The following FSTL4 variants were observed in gnomAD, a reference collection of about 807,000 sequenced individuals.
FSTL4 encodes the protein follistatin-related protein 4.
A neutral mutation model predicts 78.2 loss-of-function variants in FSTL4; 28 were observed. The observed-to-expected ratio is 0.36, with a 90% CI of 0.27 to 0.49. The LOEUF (loss-of-function observed/expected upper bound fraction) is 0.49. FSTL4 is among the 20% of genes least tolerant of loss of function. The pLI, the probability that FSTL4 is intolerant of heterozygous loss-of-function variation, is 0.98. For synonymous variants in FSTL4, 422 were observed against 440.5 expected (o/e 0.96, Z 0.53); for missense variants, 922 against 1,084.9 (o/e 0.85, Z 2.11).
rs145878304 is a variant in FSTL4, at chr5:133,345,953, T to C, written c.410-29301A>G. Among the ~76,000 whole-genome samples the C allele has an allele frequency of 9.4e-3, 1,437 of 152,346 alleles. 24 individuals carry two copies. The highest frequency in any genetic ancestry group is 0.032 in the African/African-American group (1,340 of 41,582). ...AAGACACATGCACATGTATGTTTAT[T>C]GCGCCACTATTCACGATAACAAAGA... On this transcript the variant is annotated intron_variant, in intron 4 of 15. Coordinates refer to ENST00000265342, the MANE Select transcript of FSTL4 (RefSeq NM_015082.2).
At chr5:133,660,370 G>A in the FSTL4 span, among the ~76,000 whole-genome samples, 1 of 152,174 alleles carries the variant, frequency 6.6e-6, no homozygotes, top group Non-Finnish European at 1.5e-5. Context: ...GGGAATTAGG[G>A]AAATCCTCCT....
At chr5:133,473,838 A>G (rs1757874829) in intron 3 of FSTL4, among the ~76,000 whole-genome samples, 1 of 152,150 alleles carries the variant, frequency 6.6e-6, no homozygotes, top group African/African-American at 2.4e-5. Flanking sequence ...GTGCAGAGTG[A>G]AGAGGAGAAA....
the FSTL4 span, among the ~76,000 whole-genome samples, chr5:133,648,910 C>T: frequency 1.3e-5 from 2 of 152,168 alleles, no homozygotes; most frequent in Non-Finnish European, 2.9e-5. Context: ...AGGGTTCACT[C>T]TTGGTGTCGT....
intron 4 of FSTL4, among the ~76,000 whole-genome samples, chr5:133,342,402 G>A (rs1754602348): frequency 6.6e-6 from 1 of 152,160 alleles, no homozygotes; most frequent in Non-Finnish European, 1.5e-5. Context: ...GCAAGGAAGT[G>A]GAAAAATCCT....
At chr5:133,803,168 C>T in the FSTL4 span, among the ~76,000 whole-genome samples, 1 of 152,188 alleles carries the variant, frequency 6.6e-6, no homozygotes, top group Non-Finnish European at 1.5e-5. Flanking sequence ...CTGAATGTCT[C>T]ACTTTGTGAG....
rs1330504180 is a variant in FSTL4 at position 133,333,127 on chromosome 5, TCAGCCC to T, written c.410-16481_410-16476del. ...GTGACACTGCACATGTGGCGGCAGCTCAGCCCCAGCCCCATCCTGCACCCTGTTTGC... is the reference window on the plus strand; with the variant it reads ...GTGACACTGCACATGTGGCGGCAGCTCAGCCCCATCCTGCACCCTGTTTGC... On this transcript the variant is annotated intron_variant, in intron 4 of 15. Coordinates refer to ENST00000265342, the MANE Select transcript of FSTL4 (RefSeq NM_015082.2). 2.6e-5 allele frequency among the ~76,000 whole-genome samples: 4 copies of T among 152,164 alleles called. No individual in the cohort carries two copies. The East Asian group carries it at 7.7e-4, about 29-fold the overall frequency.
intron 4 of FSTL4, among the ~76,000 whole-genome samples, chr5:133,340,668 C>T (rs1404244463): frequency 6.6e-6 from 1 of 152,110 alleles, no homozygotes; most frequent in Non-Finnish European, 1.5e-5. Context: ...GAGCCTAAAA[C>T]CCATTTCTTT....
At chr5:133,675,587 C>A in the FSTL4 span, among the ~76,000 whole-genome samples, 8 of 152,240 alleles carry the variant, frequency 5.3e-5, no homozygotes, top group South Asian at 1.7e-3. Context: ...CAATGCCTAG[C>A]GTGGTGCAGT....
At chr5:133,297,020 C>A (rs1265277424) in intron 6 of FSTL4, among the ~76,000 whole-genome samples, 6 of 152,110 alleles carry the variant, frequency 3.9e-5, no homozygotes, top group Admixed American at 3.3e-4. Context: ...GGAGTACCTG[C>A]CTACCTTGAT....
intron 3 of FSTL4, among the ~76,000 whole-genome samples, chr5:133,497,341 G>C (rs73788105): frequency 6.6e-6 from 1 of 152,232 alleles, no homozygotes; most frequent in Non-Finnish European, 1.5e-5. Flanking sequence ...GAAGAAGATG[G>C]ATAATAAAGC....
At chr5:133,470,914 C>A (rs929196365) in intron 3 of FSTL4, among the ~76,000 whole-genome samples, 2 of 151,878 alleles carry the variant, frequency 1.3e-5, no homozygotes, top group Non-Finnish European at 2.9e-5. Flanking sequence ...AGAACAGACA[C>A]TTTAAGAGAA....
At chr5:133,637,507 T>C in the FSTL4 span, among the ~76,000 whole-genome samples, 238 of 152,252 alleles carry the variant, frequency 1.6e-3, no homozygotes, top group African/African-American at 5.6e-3. Flanking sequence ...AGCCCAGTAA[T>C]GAGTAGAACT....
intron 8 of FSTL4, among the ~76,000 whole-genome samples, chr5:133,228,997 C>T (rs995119027): frequency 9.2e-5 from 14 of 152,126 alleles, no homozygotes; most frequent in African/African-American, 1.7e-4. Context: ...TTAATTGGTA[C>T]GTAACGAGGC....
chr5:133,662,037 A>G, the FSTL4 span, among the ~76,000 whole-genome samples: 1 of 152,230 alleles, frequency 6.6e-6, no homozygotes, highest in Non-Finnish European at 1.5e-5. Flanking sequence ...GATTATATTT[A>G]AAAATAGAAT....
chr5:133,520,736 T>G (rs1758963190), intron 3 of FSTL4, among the ~76,000 whole-genome samples: 1 of 152,136 alleles, frequency 6.6e-6, no homozygotes, highest in Non-Finnish European at 1.5e-5. Context: ...GTGTGTGTAT[T>G]CTGCATACAT....
At chr5:133,232,973 C>T (rs947344023) in intron 8 of FSTL4, among the ~76,000 whole-genome samples, 1 of 152,204 alleles carries the variant, frequency 6.6e-6, no homozygotes, top group Middle Eastern at 3.2e-3. Context: ...CGGACACAAG[C>T]CCTTGTCGGA....
At chr5:133,321,773 C>T (rs932961582) in intron 4 of FSTL4, among the ~76,000 whole-genome samples, 6 of 152,284 alleles carry the variant, frequency 3.9e-5, no homozygotes, top group South Asian at 4.1e-4. Context: ...TTGATTAATC[C>T]GGAGGCATGA....
At chr5:133,624,390 A>G in the FSTL4 span, among the ~76,000 whole-genome samples, 147 of 152,120 alleles carry the variant, frequency 9.7e-4, 1 homozygote, top group African/African-American at 3.4e-3. Context: ...AATATTCAGA[A>G]TAGGTAAATC....
At chr5:133,411,910 T>C (rs894000847) in intron 3 of FSTL4, among the ~76,000 whole-genome samples, 4 of 151,990 alleles carry the variant, frequency 2.6e-5, no homozygotes, top group Admixed American at 1.3e-4. Context: ...CTCTCAACAG[T>C]AGCAATAAAT....
Sources: allele counts gnomAD v4.1 joint callset (sites outside exome capture counted in the v4.1 genomes callset), GRCh38; gene constraint gnomAD v4.1.1; transcripts MANE v1.5; gene names NCBI Gene and HGNC (gene_info 2026-07-23, HGNC 2026-07-21).